FRMPD4: variants seen among roughly 807,000 people sequenced by gnomAD.
FRMPD4 encodes the protein FERM and PDZ domain containing 4, also known as FERM and PDZ domain-containing protein 4.
In FRMPD4, 22 loss-of-function variants were observed where a neutral mutation model predicts 94.1. The observed-to-expected ratio is 0.23, with a 90% confidence interval of 0.17 to 0.33. FRMPD4 has a LOEUF of 0.33. Among genes scored for constraint, FRMPD4 ranks in the 10% least tolerant of loss-of-function variants. FRMPD4 has a pLI of 1.00. For missense variants in FRMPD4, 1,111 were observed against 1,339.9 expected, an observed-to-expected ratio of 0.83 and a Z score of 2.67; for synonymous variants, 631 against 548.6, an observed-to-expected ratio of 1.15 and a Z score of -2.10.
chrX:11,934,321 A>G (rs2054138583), intron 3 of FRMPD4, among the ~76,000 whole-genome samples: 1 of 112,035 alleles, frequency 8.9e-6, no homozygotes, highest in African/African-American at 3.2e-5. Flanking sequence ...TAGTGTACAT[A>G]GAAACAGGAT....
At position 12,326,076 on chromosome X, in the gene FRMPD4, C is replaced by G. The variant is rs140362902; in HGVS notation, c.42-172604C>G. Among the ~76,000 whole-genome samples the G allele has an allele frequency of 2.9e-3, 326 of 112,150 alleles. 1 individual carries two copies. Among genetic ancestry groups the G allele is most frequent in the African/African-American group, 0.01 (310 of 30,872 alleles). ...GAGGAGAATGTCCTCATTTCTTGCC[C>G]TGGAAATTACTGGCTATGGGCACTT... On this transcript the variant is annotated intron_variant, in intron 1 of 16. Coordinates refer to ENST00000675598, the MANE Select transcript of FRMPD4 (RefSeq NM_001368397.1).
intron 1 of FRMPD4, among the ~76,000 whole-genome samples, chrX:12,435,376 A>G (rs932571350): frequency 1.8e-5 from 2 of 111,893 alleles, no homozygotes; most frequent in African/African-American, 6.5e-5. Flanking sequence ...TATATACTGT[A>G]TATTCAGTAT....
chrX:12,706,998 G>C, intron 12 of FRMPD4, 83 bp downstream of exon 12: 1 of 496,711 alleles, frequency 2.0e-6, no homozygotes, highest in Non-Finnish European at 3.4e-6. Context: ...AAGCAAATCA[G>C]CTGTGAATCT....
chrX:12,060,267 G>T (rs1484663536), intron 3 of FRMPD4, among the ~76,000 whole-genome samples: 28 of 93,044 alleles, frequency 3.0e-4, no homozygotes, highest in Non-Finnish European at 3.7e-4. Flanking sequence ...CTAGGAACTG[G>T]TTTTTTTTTT....
At chrX:12,516,049 T>A (rs1054986969) in intron 2 of FRMPD4, among the ~76,000 whole-genome samples, 5 of 112,080 alleles carry the variant, frequency 4.5e-5, no homozygotes, top group African/African-American at 1.3e-4. Context: ...TCTATTTGCT[T>A]GATAAATTTT....
intron 2 of FRMPD4, among the ~76,000 whole-genome samples, chrX:12,552,481 A>T (rs1189498338): frequency 2.7e-5 from 3 of 111,656 alleles, no homozygotes; most frequent in Non-Finnish European, 3.8e-5. Flanking sequence ...CAATAACAAC[A>T]ATATATATTG....
At chrX:12,484,011 T>G (rs1354661702) in intron 1 of FRMPD4, among the ~76,000 whole-genome samples, 1 of 111,608 alleles carries the variant, frequency 9.0e-6, no homozygotes, top group Non-Finnish European at 1.9e-5. Context: ...GAATGGAATT[T>G]GCAGGGCTGG....
intron 3 of FRMPD4, among the ~76,000 whole-genome samples, chrX:12,040,303 A>ATTT (rs375661441): frequency 1.1e-5 from 1 of 87,763 alleles, no homozygotes; most frequent in African/African-American, 4.2e-5. Flanking sequence ...GTATCTCGTA[A>ATTT]TTTTTTTTTT....
rs201927823 is a variant in FRMPD4 at position 12,708,904 on chromosome X, A to AC, written c.1470+1254dup. The AC allele has an allele frequency of 6.9e-3, 790 of 113,834 alleles. 6 individuals are homozygous for AC. Among genetic ancestry groups the AC allele is most frequent in the African/African-American group, 0.023 (708 of 30,892 alleles). The allele number at this position is 113,834 out of a possible 1,213,427, so 9.4% of individuals were successfully genotyped here. A position where few individuals can be genotyped will look rare whatever the true frequency, so the allele number is the denominator to read the frequency against. ...AGACATGCTGGCTGTGACCTGTAGGACTTCATGGGCTGGATCCAGAGGGTT... is the reference window on the plus strand; with the variant it reads ...AGACATGCTGGCTGTGACCTGTAGGACCTTCATGGGCTGGATCCAGAGGGTT... On this transcript the variant is annotated intron_variant, in intron 13 of 16. Transcript: ENST00000675598.
chrX:12,165,526 A>G (rs1329950165), intron 1 of FRMPD4, among the ~76,000 whole-genome samples: 1 of 111,800 alleles, frequency 8.9e-6, no homozygotes, highest in Non-Finnish European at 1.9e-5. Flanking sequence ...TTGACTTGGC[A>G]ATGTAGGCTC....
intron 10 of FRMPD4, among the ~76,000 whole-genome samples, chrX:12,702,920 C>T (rs1401026951): frequency 8.9e-6 from 1 of 112,616 alleles, no homozygotes. Context: ...CTCAGCTGGA[C>T]ACATTCACAC....
intron 3 of FRMPD4, among the ~76,000 whole-genome samples, chrX:11,912,068 C>T (rs2053999497): frequency 1.8e-5 from 2 of 112,046 alleles, no homozygotes; most frequent in South Asian, 3.8e-4. Context: ...ACTGCAGGTG[C>T]TGACTTCTCC....
In FRMPD4 at chrX:12,185,497, C is replaced by A. The variant is rs976221293; in HGVS notation, c.41+46485C>A. 4.5e-5 allele frequency among the ~76,000 whole-genome samples: 5 copies of A among 111,156 alleles called. No homozygotes were observed. The Admixed American group carries it at 4.8e-4, about 11-fold the overall frequency. On this transcript the variant is annotated intron_variant, in intron 1 of 16. Coordinates refer to ENST00000675598, the MANE Select transcript of FRMPD4 (RefSeq NM_001368397.1). ...AAAATGAGACCTAGAAACTTCTCTT[C>A]CACTATTAGACTTAATGTCAGGGCT...
intron 1 of FRMPD4, among the ~76,000 whole-genome samples, chrX:12,173,490 C>T (rs1050690211): frequency 3.6e-5 from 4 of 112,101 alleles, no homozygotes; most frequent in African/African-American, 1.3e-4. Context: ...CAACTGCAGA[C>T]AAGGTCATCT....
chrX:12,243,744 C>G (rs1315491696), intron 1 of FRMPD4, among the ~76,000 whole-genome samples: 1 of 101,449 alleles, frequency 9.9e-6, no homozygotes. Context: ...GCATCCTGGG[C>G]CCACATTCCT....
Position 12,724,001 on chromosome X carries a change from A to G in FRMPD4, c.*2143A>G, listed in dbSNP as rs934581536. The G allele has an allele frequency of 8.9e-6, 1 of 112,287 alleles. No homozygotes were observed. The highest frequency in any genetic ancestry group is 3.2e-5 in the African/African-American group (1 of 30,877). The allele number at this position is 112,287 out of a possible 1,213,427, so 9.3% of individuals were successfully genotyped here. A position where few individuals can be genotyped will look rare whatever the true frequency, so the allele number is the denominator to read the frequency against. ...CTGGCAGAGAGTAAGTATTCAATTA[A>G]TGTTAGCTATTATTATCATCATAAT... On this transcript the variant is annotated 3_prime_UTR_variant, in exon 17 of 17. Transcript: ENST00000675598.
chrX:12,134,692 G>A (rs749502581), upstream of FRMPD4, among the ~76,000 whole-genome samples: 54 of 112,203 alleles, frequency 4.8e-4, 1 homozygote, highest in African/African-American at 1.7e-3. Context: ...TACAGCCTAG[G>A]GCTTTAGTAA....
intron 4 of FRMPD4, among the ~76,000 whole-genome samples, chrX:12,666,413 C>T (rs1454286857): frequency 1.8e-5 from 2 of 111,581 alleles, no homozygotes; most frequent in African/African-American, 6.5e-5. Context: ...TTGAACTCAG[C>T]TCTGGACCAA....
At chrX:12,170,384 C>T (rs191846476) in intron 1 of FRMPD4, among the ~76,000 whole-genome samples, 3 of 110,187 alleles carry the variant, frequency 2.7e-5, no homozygotes, top group East Asian at 5.7e-4. Context: ...CTTTAAAATC[C>T]AGTAGATATG....
Sources: gnomAD v4.1 joint callset for allele counts (sites outside exome capture counted in the v4.1 genomes callset) on GRCh38, gnomAD v4.1.1 for gene constraint, MANE v1.5 for transcripts, NCBI Gene and HGNC (gene_info 2026-07-23, HGNC 2026-07-21) for gene names.